The following SCAF8 variants were observed in gnomAD, a reference collection of about 807,000 sequenced individuals.
SCAF8 encodes the protein SR-related CTD associated factor 8, also known as SR-related and CTD-associated factor 8.
A neutral mutation model predicts 140.5 loss-of-function variants in SCAF8; 23 were observed. The ratio of observed to expected loss-of-function variants is 0.16; its 90% CI spans 0.12 to 0.23. The LOEUF (loss-of-function observed/expected upper bound fraction) is 0.23. Among genes scored for constraint, SCAF8 ranks in the 10% least tolerant of loss-of-function variants. The pLI, the probability that SCAF8 is intolerant of heterozygous loss-of-function variation, is 1.00. For missense variants in SCAF8, 1,397 were observed against 1,555.7 expected, an observed-to-expected ratio of 0.90 and a Z score of 1.72; for synonymous variants, 575 against 528.9, an observed-to-expected ratio of 1.09 and a Z score of -1.20.
chr6:154,762,687 A>G (rs111301704), intron 1 of SCAF8, among the ~76,000 whole-genome samples: 1,959 of 152,202 alleles, frequency 0.013, 47 homozygotes, highest in African/African-American at 0.045. Flanking sequence ...GTGAGCTACC[A>G]TTTTTATTTA....
At chr6:154,817,276 A>G (rs1778281809) in intron 13 of SCAF8, among the ~76,000 whole-genome samples, 1 of 152,204 alleles carries the variant, frequency 6.6e-6, no homozygotes, top group Non-Finnish European at 1.5e-5. Context: ...ATTGCTCTGA[A>G]CAGACCTTGC....
intron 1 of SCAF8, among the ~76,000 whole-genome samples, chr6:154,735,454 C>T (rs1348542569): frequency 6.7e-6 from 1 of 149,180 alleles, no homozygotes; most frequent in Non-Finnish European, 1.5e-5. Flanking sequence ...AAAGCATTTT[C>T]TTTTTTAATA....
At chr6:154,753,531 C>T (rs1352773387) in intron 1 of SCAF8, among the ~76,000 whole-genome samples, 4 of 151,756 alleles carry the variant, frequency 2.6e-5, no homozygotes, top group East Asian at 1.9e-4. Context: ...TCCAGCTACT[C>T]GGGAGGCTGA....
At chr6:154,758,551 A>G (rs73010927) in intron 1 of SCAF8, among the ~76,000 whole-genome samples, 2,542 of 152,308 alleles carry the variant, frequency 0.017, 26 homozygotes, top group Non-Finnish European at 0.023. Context: ...GCACAAAACT[A>G]GGGGATCCTC....
intron 15 of SCAF8, among the ~76,000 whole-genome samples, chr6:154,821,923 C>G (rs1778432146): frequency 6.6e-6 from 1 of 152,182 alleles, no homozygotes; most frequent in Non-Finnish European, 1.5e-5. Flanking sequence ...TAATACTCTC[C>G]TAGTTGGTCT....
At position 154,820,241 on chromosome 6, in the gene SCAF8, G is replaced by C; in HGVS notation, c.1700G>C (p.Gly567Ala). 1.2e-6 allele frequency: 2 copies of C among 1,610,276 alleles called. No individual in the cohort carries two copies. The highest frequency in any genetic ancestry group is 1.7e-6 in the Non-Finnish European group (2 of 1,178,730). ...AAACAATTCTGGGATGTGGATCTTG[G>C]AGTTACATATATACCATGGGAAAAA... is the stretch of plus-strand genomic sequence containing the variant. ...EYKQFWDVDL[G>A]VTYIPWEKVK... is the part of the protein sequence containing the mutation. Residue 567 changes from glycine to alanine, a missense_variant, in exon 15 of 20, where the codon GGA becomes GCA. Physicochemically the swap from Gly to Ala is moderately conservative, Grantham distance 60. Around this residue, in one of 5 missense-constraint regions of SCAF8, gnomAD observed 59 missense variants for 110.7 expected, o/e 0.53. Coordinates refer to ENST00000367178, the MANE Select transcript of SCAF8 (RefSeq NM_014892.5).
chr6:154,798,972 A>G (rs1277793653), intron 6 of SCAF8, among the ~76,000 whole-genome samples: 1 of 149,914 alleles, frequency 6.7e-6, no homozygotes, highest in African/African-American at 2.4e-5. Flanking sequence ...TTAATTTTTT[A>G]TTTTTATTTT....
intron 13 of SCAF8, among the ~76,000 whole-genome samples, chr6:154,817,360 C>T (rs2114666976): frequency 6.6e-6 from 1 of 152,296 alleles, no homozygotes; most frequent in Admixed American, 6.5e-5. Flanking sequence ...GTCCCTTGAG[C>T]ATCTGTTTGC....
intron 1 of SCAF8, among the ~76,000 whole-genome samples, chr6:154,754,147 C>G (rs527884294): frequency 4.6e-5 from 7 of 152,196 alleles, no homozygotes; most frequent in Non-Finnish European, 1.0e-4. Flanking sequence ...GATCCTTAAG[C>G]CCTATTGAAG....
chr6:154,753,595 C>T (rs553105227), intron 1 of SCAF8, among the ~76,000 whole-genome samples: 42 of 152,068 alleles, frequency 2.8e-4, no homozygotes, highest in South Asian at 6.2e-4. Flanking sequence ...GCCAAGATCG[C>T]GACTCTGCCT....
intron 1 of SCAF8, among the ~76,000 whole-genome samples, chr6:154,749,676 A>C (rs1177893926): frequency 6.6e-6 from 1 of 152,062 alleles, no homozygotes; most frequent in Non-Finnish European, 1.5e-5. Context: ...TGGGTAGGGG[A>C]TAGGGTAGGG....
At chr6:154,811,212 TAAAAG>T (rs761193446) in intron 12 of SCAF8, among the ~76,000 whole-genome samples, 148 of 152,272 alleles carry the variant, frequency 9.7e-4, no homozygotes, top group Non-Finnish European at 1.9e-3. Context: ...TGCTGGCTGA[TAAAAG>T]AAATAATGTC....
intron 2 of SCAF8, among the ~76,000 whole-genome samples, chr6:154,775,720 C>A (rs372712276): frequency 6.6e-6 from 1 of 151,790 alleles, no homozygotes; most frequent in African/African-American, 2.4e-5. Flanking sequence ...GCCTGGGCAA[C>A]GCAGTAAGAT....
chr6:154,734,521 T>TA (rs1778356859), intron 1 of SCAF8, among the ~76,000 whole-genome samples: 1 of 152,216 alleles, frequency 6.6e-6, no homozygotes, highest in Admixed American at 6.5e-5. Context: ...CAATATCTTT[T>TA]ATTTTTACTC....
In SCAF8 at chr6:154,777,289, C is replaced by T. The variant is rs369370490; in HGVS notation, c.115-712C>T. On this transcript the variant is annotated intron_variant, in intron 2 of 19. Transcript: ENST00000367178. ...TTGTGGCATTAAAATTTATTAGGCA[C>T]ACATGTATATACTATACGCTAAATT... 7.2e-5 allele frequency among the ~76,000 whole-genome samples: 11 copies of T among 152,180 alleles called. No individual in the cohort carries two copies. In the South Asian group the frequency reaches 2.1e-3, roughly 29 times the overall value.
chr6:154,734,657 AAGC>A (rs1194222281), intron 1 of SCAF8, among the ~76,000 whole-genome samples: 3 of 152,218 alleles, frequency 2.0e-5, no homozygotes, highest in African/African-American at 4.8e-5. Context: ...AGATTTTAAA[AAGC>A]AGATTCCATT....
rs1778502853 is a variant in SCAF8 at position 154,824,327 on chromosome 6, C to T, written c.2020C>T (p.Pro674Ser). Residue 674 changes from proline (P) to serine (S), a missense_variant, in exon 17 of 20, where the codon CCT becomes TCT. This residue lies in a region of SCAF8 where 930 missense variants were observed against 874.6 expected (regional missense o/e 1.06). Coordinates refer to ENST00000367178, the MANE Select transcript of SCAF8 (RefSeq NM_014892.5). Reference protein sequence around the residue: ...PVPPPGFSPIPPPPFLRASFN... With the variant: ...PVPPPGFSPISPPPFLRASFN... ...TCCTCCTCCTGGATTCAGTCCAATC[C>T]CTCCACCTCCTTTTTTAAGAGCAAG... The T allele has an allele frequency of 1.2e-5, 20 of 1,613,842 alleles. No homozygotes were observed. The highest frequency in any genetic ancestry group is 1.6e-5 in the Non-Finnish European group (19 of 1,179,848).
Position 154,734,038 on chromosome 6 carries a change from G to T in SCAF8, c.30+108G>T, listed in dbSNP as rs1778340081. Reference sequence around the variant, plus strand: ...GGGCCTGCGGGTTTTTTAAGGGTGGGGTGAGCGGTGGCCTAGCAGTGCCCG... The same window carrying T: ...GGGCCTGCGGGTTTTTTAAGGGTGGTGTGAGCGGTGGCCTAGCAGTGCCCG... On this transcript the variant is annotated intron_variant, in intron 1 of 19. Transcript: ENST00000367178. 9 of 1,403,502 alleles carry T rather than the reference G, an allele frequency of 6.4e-6. No homozygotes were observed. The South Asian group carries it at 1.5e-4, about 24-fold the overall frequency. 86.9% of individuals were successfully genotyped at this position (1,403,502 alleles called of 1,614,324 possible). A position where few individuals can be genotyped will look rare whatever the true frequency, so the allele number is the denominator to read the frequency against.
At chr6:154,765,218 A>T (rs1776527339) in intron 1 of SCAF8, among the ~76,000 whole-genome samples, 1 of 152,224 alleles carries the variant, frequency 6.6e-6, no homozygotes, top group Non-Finnish European at 1.5e-5. Flanking sequence ...CTTGGAAGGC[A>T]GGTATGCTCA....
Sources: allele counts gnomAD v4.1 joint callset (sites outside exome capture counted in the v4.1 genomes callset), GRCh38; gene constraint gnomAD v4.1.1; regional missense constraint gnomAD v4.1.1; transcripts MANE v1.5; gene names NCBI Gene and HGNC (gene_info 2026-07-23, HGNC 2026-07-21).